Variants in UPP2 observed in about 807,000 individuals in gnomAD.
UPP2 encodes the protein uridine phosphorylase 2, also known as UPase 2.
Under a neutral mutation model 26.7 loss-of-function variants are expected in UPP2, and 23 were observed. The observed-to-expected ratio is 0.86, with a 90% CI of 0.62 to 1.22. UPP2 has a LOEUF of 1.22. Among genes scored for constraint, UPP2 ranks in the 50% most tolerant of loss-of-function variants. UPP2 has a pLI of 0.00. For synonymous variants in UPP2, 127 were observed against 141.3 expected (o/e 0.90, Z 0.72); for missense variants, 387 against 396.7 (o/e 0.98, Z 0.21).
chr2:158,015,237 C>T (rs1225126950), intron 2 of UPP2, among the ~76,000 whole-genome samples: 2 of 152,144 alleles, frequency 1.3e-5, no homozygotes, highest in East Asian at 3.8e-4. Flanking sequence ...AACAACTTCC[C>T]ACTCCCCCTT....
chr2:158,074,734 TAAC>T (rs1243273540), intron 3 of UPP2, among the ~76,000 whole-genome samples: 1 of 66,080 alleles, frequency 1.5e-5, no homozygotes, highest in Non-Finnish European at 3.3e-5. Context: ...CACAGAAAAA[TAAC>T]AAAGAGGCAG....
At chr2:158,046,678 G>A (rs146108089) in intron 3 of UPP2, among the ~76,000 whole-genome samples, 380 of 152,210 alleles carry the variant, frequency 2.5e-3, no homozygotes, top group Middle Eastern at 0.017. Flanking sequence ...TTGACAACAC[G>A]TTGCTTCCCT....
At chr2:158,042,910 C>T (rs536733954) in intron 3 of UPP2, among the ~76,000 whole-genome samples, 7 of 152,282 alleles carry the variant, frequency 4.6e-5, no homozygotes, top group African/African-American at 1.2e-4. Context: ...AGGCCCCTGC[C>T]GAGCCTTTTC....
At chr2:158,035,599 T>A (rs2105159787) in intron 3 of UPP2, among the ~76,000 whole-genome samples, 1 of 152,326 alleles carries the variant, frequency 6.6e-6, no homozygotes, top group Non-Finnish European at 1.5e-5. Context: ...CATACCCTAC[T>A]ACTGCGGCAT....
At chr2:157,995,620 T>C (rs1248125473) in intron 2 of UPP2, among the ~76,000 whole-genome samples, 2 of 152,044 alleles carry the variant, frequency 1.3e-5, no homozygotes. Context: ...CTTTAATACA[T>C]AATTTTTAAA....
rs1682426294 is a variant in UPP2, at chr2:158,065,866, T to C, written c.148-36174T>C. 4.6e-6 allele frequency: 3 copies of C among 657,202 alleles called. No individual in the cohort carries two copies. In the East Asian group the frequency reaches 8.5e-5, roughly 19 times the overall value. 40.7% of individuals were successfully genotyped at this position (657,202 alleles called of 1,614,324 possible). ...ACTGCTGTTCATTGCATTGCAGGCCTTGGGAGAGCTCCAGTACTTGTTGCC... is the reference window on the plus strand; with the variant it reads ...ACTGCTGTTCATTGCATTGCAGGCCCTGGGAGAGCTCCAGTACTTGTTGCC... On this transcript the variant is annotated intron_variant, in intron 3 of 9. Transcript: ENST00000605860.
At chr2:158,065,493 A>C in intron 3 of UPP2, 1 of 345,268 alleles carries the variant, frequency 2.9e-6, no homozygotes, top group Admixed American at 3.8e-5. Context: ...TTCTGTATTC[A>C]ACTTTTAAAA....
intron 4 of UPP2, among the ~76,000 whole-genome samples, chr2:158,118,415 C>T (rs1407687569): frequency 1.3e-5 from 2 of 151,980 alleles, no homozygotes; most frequent in African/African-American, 4.8e-5. Context: ...ATCTTTTCCT[C>T]ATCAGTACAC....
intron 2 of UPP2, among the ~76,000 whole-genome samples, chr2:158,012,082 T>A (rs560994039): frequency 6.6e-6 from 1 of 152,252 alleles, no homozygotes; most frequent in South Asian, 2.1e-4. Flanking sequence ...GTCCTGCCTT[T>A]AGTGTTTGCA....
At chr2:157,999,483 G>A (rs1304335938) in intron 2 of UPP2, among the ~76,000 whole-genome samples, 2 of 152,054 alleles carry the variant, frequency 1.3e-5, no homozygotes, top group Non-Finnish European at 2.9e-5. Flanking sequence ...CAGCCTATTT[G>A]GGTCTCTTTT....
At chr2:158,122,537 C>T (rs1683592186) in intron 5 of UPP2, among the ~76,000 whole-genome samples, 1 of 152,014 alleles carries the variant, frequency 6.6e-6, no homozygotes, top group Non-Finnish European at 1.5e-5. Context: ...TCGAGGGTCA[C>T]TCACTGATAT....
At chr2:158,053,611 G>A (rs1367806736) in intron 3 of UPP2, among the ~76,000 whole-genome samples, 1 of 152,112 alleles carries the variant, frequency 6.6e-6, no homozygotes, top group Non-Finnish European at 1.5e-5. Context: ...GATGGATAGG[G>A]CTTTGATTTC....
chr2:158,117,182 A>T (rs776111786), intron 3 of UPP2, among the ~76,000 whole-genome samples: 1 of 152,018 alleles, frequency 6.6e-6, no homozygotes, highest in Non-Finnish European at 1.5e-5. Flanking sequence ...TAAATCCTGT[A>T]GCCTGTGTTG....
intron 3 of UPP2, among the ~76,000 whole-genome samples, chr2:158,053,934 A>G (rs903669617): frequency 1.3e-5 from 2 of 152,196 alleles, no homozygotes; most frequent in African/African-American, 4.8e-5. Context: ...CAATGTAACT[A>G]TCTGTCACAA....
At chr2:158,074,140 G>A (rs1437253862) in intron 3 of UPP2, among the ~76,000 whole-genome samples, 3 of 152,184 alleles carry the variant, frequency 2.0e-5, no homozygotes, top group African/African-American at 4.8e-5. Flanking sequence ...TTGTGCCACT[G>A]CATTCCAGCC....
Position 158,047,369 on chromosome 2 carries a change from C to G in UPP2, c.147+31483C>G, listed in dbSNP as rs895162158. Reference sequence around the variant, plus strand: ...ATGATGCCCCCAGGGGTGTTGGGAACGAGAGGTGGCTACTGGTTTACTTGA... The same window carrying G: ...ATGATGCCCCCAGGGGTGTTGGGAAGGAGAGGTGGCTACTGGTTTACTTGA... On this transcript the variant is annotated intron_variant, in intron 3 of 9. Transcript: ENST00000605860. 3.9e-5 allele frequency among the ~76,000 whole-genome samples: 6 copies of G among 152,292 alleles called. No homozygotes were observed. The East Asian group carries it at 1.2e-3, about 29-fold the overall frequency.
intron 3 of UPP2, among the ~76,000 whole-genome samples, chr2:158,087,274 T>G (rs1682832377): frequency 6.6e-6 from 1 of 152,208 alleles, no homozygotes; most frequent in South Asian, 2.1e-4. Context: ...ACTGTTGCTT[T>G]AAAGTTTGTT....
At chr2:158,095,350 T>C (rs1418357346) in intron 3 of UPP2, among the ~76,000 whole-genome samples, 1 of 152,206 alleles carries the variant, frequency 6.6e-6, no homozygotes, top group African/African-American at 2.4e-5. Flanking sequence ...TCTTTTCCTA[T>C]AAATGAGTTA....
At chr2:158,056,664 C>T (rs1018048988) in intron 3 of UPP2, among the ~76,000 whole-genome samples, 4 of 152,136 alleles carry the variant, frequency 2.6e-5, no homozygotes, top group African/African-American at 7.2e-5. Context: ...CTGCCTTCAC[C>T]GTCAAATGGC....
Sources: allele counts gnomAD v4.1 joint callset (sites outside exome capture counted in the v4.1 genomes callset), GRCh38; gene constraint gnomAD v4.1.1; transcripts MANE v1.5; gene names NCBI Gene and HGNC (gene_info 2026-07-23, HGNC 2026-07-21).